NBAS: variants seen among roughly 807,000 people sequenced by gnomAD.
NBAS encodes NBAS subunit of NRZ tethering complex.
A neutral mutation model predicts 302.5 loss-of-function variants in NBAS; 219 were observed. The ratio of observed to expected loss-of-function variants is 0.72; its 90% CI spans 0.65 to 0.81. The LOEUF is 0.81. NBAS is among the 30% of genes least tolerant of loss of function. The pLI is 0.00. For synonymous variants in NBAS, 1,118 were observed against 1,021.6 expected, an observed-to-expected ratio of 1.09 and a Z score of -1.80; for missense variants, 2,932 against 2,841.6, an observed-to-expected ratio of 1.03 and a Z score of -0.72.
At chr2:15,131,692 T>C in the NBAS span, among the ~76,000 whole-genome samples, 1 of 152,192 alleles carries the variant, frequency 6.6e-6, no homozygotes, top group African/African-American at 2.4e-5. Flanking sequence ...AATTCTTGCA[T>C]TGCCATAAAG....
At position 15,537,766 on chromosome 2, in the gene NBAS, G is replaced by A. The variant is rs111795479; in HGVS notation, c.514-1215C>T. Among the ~76,000 whole-genome samples, 1,340 of 152,224 alleles carry A rather than the reference G, an allele frequency of 8.8e-3. 13 individuals carry two copies. The highest frequency in any genetic ancestry group is 0.031 in the African/African-American group (1,267 of 41,506). On this transcript the variant is annotated intron_variant, in intron 7 of 51. Transcript: ENST00000281513. ...TCTAACCACTTCTTTGAGCTTTCAC[G>A]TCTTTTCTGAGAAGCTCCCTGTACA...
the NBAS span, among the ~76,000 whole-genome samples, chr2:14,785,211 G>T: frequency 7.2e-5 from 11 of 152,260 alleles, no homozygotes; most frequent in African/African-American, 2.6e-4. Flanking sequence ...AGCTTAAGGA[G>T]ATTTTGGGCT....
Position 15,551,538 on chromosome 2 carries a change from T to G in NBAS, c.336-2A>C. 6.2e-7 allele frequency: 1 copy of G among 1,607,672 alleles called. No homozygotes were observed. The highest frequency in any genetic ancestry group is 8.5e-7 in the Non-Finnish European group (1 of 1,176,028). ...GATGTAAAATCATCTTTTGCAGACCTGTAAAACATGCAAAATCAAGGCAAA... is the reference window on the plus strand; with the variant it reads ...GATGTAAAATCATCTTTTGCAGACCGGTAAAACATGCAAAATCAAGGCAAA... On this transcript the variant is annotated splice_acceptor_variant, in intron 5 of 51. Transcript: ENST00000281513. LOFTEE classifies it high-confidence loss of function.
the NBAS span, among the ~76,000 whole-genome samples, chr2:15,160,622 A>G: frequency 6.8e-6 from 1 of 147,432 alleles, no homozygotes; most frequent in East Asian, 2.0e-4. Context: ...GGACCAGGTG[A>G]TCCCCCAGGG....
intron 41 of NBAS, among the ~76,000 whole-genome samples, chr2:15,291,246 C>G (rs1670291350): frequency 6.6e-6 from 1 of 152,172 alleles, no homozygotes; most frequent in Non-Finnish European, 1.5e-5. Flanking sequence ...AGCTGTGATT[C>G]TCACCATCTA....
chr2:15,116,134 A>C, the NBAS span, among the ~76,000 whole-genome samples: 1 of 152,170 alleles, frequency 6.6e-6, no homozygotes, highest in Non-Finnish European at 1.5e-5. Flanking sequence ...CTAAAACAGC[A>C]ATCAGCTTCC....
chr2:15,098,443 ATTG>A, the NBAS span, among the ~76,000 whole-genome samples: 191 of 100,376 alleles, frequency 1.9e-3, 2 homozygotes, highest in African/African-American at 2.6e-3. Context: ...TATATTGTAT[ATTG>A]TATATTATAT....
the NBAS span, among the ~76,000 whole-genome samples, chr2:14,784,056 T>A: frequency 6.6e-6 from 1 of 152,188 alleles, no homozygotes. Context: ...TTGATTTGCA[T>A]TTCTCTGATG....
chr2:15,249,842 A>T (rs1352353305), intron 44 of NBAS, among the ~76,000 whole-genome samples: 1 of 152,084 alleles, frequency 6.6e-6, no homozygotes, highest in Non-Finnish European at 1.5e-5. Flanking sequence ...TTCCATGCTC[A>T]TGGATAGGAA....
the NBAS span, among the ~76,000 whole-genome samples, chr2:14,937,343 GAAC>G: frequency 1.1e-4 from 17 of 152,198 alleles, no homozygotes; most frequent in African/African-American, 4.1e-4. Flanking sequence ...CTGTGAGACA[GAAC>G]AACCACACGC....
At chr2:15,426,975 T>C (rs1464409871) in intron 22 of NBAS, among the ~76,000 whole-genome samples, 1 of 152,152 alleles carries the variant, frequency 6.6e-6, no homozygotes. Flanking sequence ...TGCCTGCATC[T>C]GGGAGCAGGG....
At chr2:14,890,450 A>T in the NBAS span, 2 of 152,254 alleles carry the variant, frequency 1.3e-5, no homozygotes, top group South Asian at 4.1e-4. Context: ...AGCACTCTTT[A>T]CTGATAAGGG....
the NBAS span, among the ~76,000 whole-genome samples, chr2:14,986,404 A>C: frequency 6.6e-6 from 1 of 152,122 alleles, no homozygotes; most frequent in Non-Finnish European, 1.5e-5. Context: ...AATTAATCTA[A>C]TACACTGAAC....
Position 15,210,666 on chromosome 2 carries a change from G to A in NBAS, c.6432+8107C>T, listed in dbSNP as rs546550982. Among the ~76,000 whole-genome samples, 4 of 152,278 alleles carry A rather than the reference G, an allele frequency of 2.6e-5. No individual in the cohort carries two copies. The South Asian group carries it at 8.3e-4, about 32-fold the overall frequency. Reference sequence around the variant, plus strand: ...AAATCAGTGTATCAAAGAGATAGCTGCACTCCCATGTCTATTGCAACACTG... The same window carrying A: ...AAATCAGTGTATCAAAGAGATAGCTACACTCCCATGTCTATTGCAACACTG... On this transcript the variant is annotated intron_variant, in intron 48 of 51. Coordinates refer to ENST00000281513, the MANE Select transcript of NBAS (RefSeq NM_015909.4).
At chr2:15,218,678 T>A (rs1666766669) in intron 48 of NBAS, 95 bp downstream of exon 48, 2 of 1,530,428 alleles carry the variant, frequency 1.3e-6, no homozygotes, top group African/African-American at 2.7e-5. Flanking sequence ...TCCTCCCACC[T>A]TGGCCTCCCA....
chr2:15,192,215 C>T (rs1327726214), intron 48 of NBAS, among the ~76,000 whole-genome samples: 1 of 150,946 alleles, frequency 6.6e-6, no homozygotes, highest in African/African-American at 2.4e-5. Context: ...GAAATGTTAG[C>T]TCCTTGAAAG....
the NBAS span, among the ~76,000 whole-genome samples, chr2:14,932,136 C>T: frequency 6.6e-6 from 1 of 152,164 alleles, no homozygotes; most frequent in Non-Finnish European, 1.5e-5. Context: ...GACCACTAGA[C>T]CTTTTGGGTA....
the NBAS span, among the ~76,000 whole-genome samples, chr2:14,904,599 ACAGT>A: frequency 1.0e-5 from 1 of 95,840 alleles, no homozygotes; most frequent in Non-Finnish European, 2.6e-5. Flanking sequence ...AGGCTGTGTC[ACAGT>A]CAGCTGTGAC....
At chr2:15,323,987 A>G (rs991160406) in intron 38 of NBAS, among the ~76,000 whole-genome samples, 3 of 152,118 alleles carry the variant, frequency 2.0e-5, no homozygotes, top group Non-Finnish European at 4.4e-5. Context: ...ATTCTAAAGT[A>G]TAACCAGGAA....
Sources: gnomAD v4.1 joint callset for allele counts (sites outside exome capture counted in the v4.1 genomes callset) on GRCh38, gnomAD v4.1.1 for gene constraint, MANE v1.5 for transcripts, NCBI Gene and HGNC (gene_info 2026-07-23, HGNC 2026-07-21) for gene names.